The following GALNT17 variants were observed in gnomAD, a reference collection of about 807,000 sequenced individuals.
GALNT17 encodes UDP-GalNAc:polypeptide N-acetylgalactosaminyltransferase-like 3.
Under a neutral mutation model 63.7 loss-of-function variants are expected in GALNT17, and 29 were observed. That is an observed-to-expected ratio of 0.46 (90% CI 0.34 to 0.62). GALNT17 has a LOEUF of 0.62. Ranked by LOEUF, GALNT17 falls within the 20% of genes least tolerant of loss-of-function variation. GALNT17 has a pLI of 0.01. For missense variants in GALNT17, 603 were observed against 799.6 expected (o/e 0.75, Z 2.97); for synonymous variants, 305 against 318.3 (o/e 0.96, Z 0.45).
rs71089940 is a variant in GALNT17, at chr7:71,374,834, A to ATTT, written c.423-13380_423-13378dup. Among the ~76,000 whole-genome samples, 774 of 109,606 alleles carry ATTT rather than the reference A, an allele frequency of 7.1e-3. 12 individuals carry two copies. The highest frequency in any genetic ancestry group is 0.019 in the African/African-American group (520 of 27,858). 71.9% of individuals were successfully genotyped at this position (109,606 alleles called of 152,430 possible). Reference sequence around the variant, plus strand: ...TGCATTTGGCTTGTTCTTGAGGAGGATTTTTTTTTTTTTTTTTTTTTTTGA... The same window carrying ATTT: ...TGCATTTGGCTTGTTCTTGAGGAGGATTTTTTTTTTTTTTTTTTTTTTTTTTGA... On this transcript the variant is annotated intron_variant, in intron 2 of 10. Transcript: ENST00000333538.
intron 1 of GALNT17, among the ~76,000 whole-genome samples, chr7:71,222,529 C>T (rs987358848): frequency 1.3e-5 from 2 of 151,934 alleles, no homozygotes; most frequent in Admixed American, 1.3e-4. Context: ...TGATCTCAAG[C>T]AATTAACCCG....
At chr7:71,391,826 C>T (rs1019154184) in intron 3 of GALNT17, among the ~76,000 whole-genome samples, 5 of 152,072 alleles carry the variant, frequency 3.3e-5, no homozygotes, top group African/African-American at 7.2e-5. Flanking sequence ...ATTTGTCTCA[C>T]GGTTCTGCAG....
intron 1 of GALNT17, among the ~76,000 whole-genome samples, chr7:71,292,164 A>C (rs1790990416): frequency 1.3e-5 from 2 of 152,206 alleles, no homozygotes; most frequent in Admixed American, 1.3e-4. Flanking sequence ...GAGAGTAGTC[A>C]ACAGCTGAAT....
intron 5 of GALNT17, among the ~76,000 whole-genome samples, chr7:71,465,892 G>C (rs111940306): frequency 0.031 from 4,653 of 152,270 alleles, 99 homozygotes; most frequent in East Asian, 0.042. Context: ...GGCTAGCAAA[G>C]GTGGCCTTGT....
intron 1 of GALNT17, among the ~76,000 whole-genome samples, chr7:71,179,538 A>G (rs1345352032): frequency 3.9e-5 from 6 of 152,258 alleles, no homozygotes; most frequent in Middle Eastern, 3.4e-3. Flanking sequence ...AGCAGCTGAC[A>G]TCTCCACTCT....
chr7:71,711,899 TTTTC>T (rs1791799192), intron 10 of GALNT17, 115 bp from the exon 11 acceptor site: 1 of 1,154,910 alleles, frequency 8.7e-7, no homozygotes, highest in Non-Finnish European at 1.2e-6. Context: ...TCTCTTCTCT[TTTTC>T]TTTTTCTCTT....
At chr7:71,342,358 A>AGAGG (rs1792019881) in intron 2 of GALNT17, among the ~76,000 whole-genome samples, 1 of 152,174 alleles carries the variant, frequency 6.6e-6, no homozygotes, top group African/African-American at 2.4e-5. Context: ...CTCATCATCC[A>AGAGG]GAGGATGGCA....
intron 5 of GALNT17, among the ~76,000 whole-genome samples, chr7:71,507,466 C>T (rs1183094442): frequency 6.6e-6 from 1 of 152,084 alleles, no homozygotes; most frequent in Non-Finnish European, 1.5e-5. Context: ...CTGGAGAAAA[C>T]CTTGTCACAG....
chr7:71,193,928 C>G (rs1788999544), intron 1 of GALNT17, among the ~76,000 whole-genome samples: 1 of 152,190 alleles, frequency 6.6e-6, no homozygotes, highest in South Asian at 2.1e-4. Context: ...AAGAGCTATA[C>G]TGGTTTCTTG....
At chr7:71,601,079 A>G (rs1415261831) in intron 6 of GALNT17, among the ~76,000 whole-genome samples, 2 of 151,996 alleles carry the variant, frequency 1.3e-5, no homozygotes, top group African/African-American at 4.8e-5. Context: ...GCTCACTGCA[A>G]ATGCTGTTAA....
chr7:71,687,730 T>A (rs932329483), intron 9 of GALNT17, among the ~76,000 whole-genome samples: 1 of 152,130 alleles, frequency 6.6e-6, no homozygotes, highest in African/African-American at 2.4e-5. Context: ...TTTTTAAAAA[T>A]TTTTTTATTA....
chr7:71,541,098 G>T (rs962885296), intron 5 of GALNT17, among the ~76,000 whole-genome samples: 2 of 152,054 alleles, frequency 1.3e-5, no homozygotes, highest in Non-Finnish European at 2.9e-5. Flanking sequence ...ACAAAAATTA[G>T]CTGGGCGTGG....
chr7:71,649,783 AC>A (rs1476809399), intron 6 of GALNT17, among the ~76,000 whole-genome samples: 3 of 152,176 alleles, frequency 2.0e-5, no homozygotes, highest in African/African-American at 7.2e-5. Flanking sequence ...ATTAAAGTGC[AC>A]CTGTGTACCC....
chr7:71,540,189 A>G (rs539454460), intron 5 of GALNT17, among the ~76,000 whole-genome samples: 1 of 126,924 alleles, frequency 7.9e-6, no homozygotes, highest in Admixed American at 9.9e-5. Context: ...GCTCACTGCA[A>G]CCTCTGCCTC....
intron 5 of GALNT17, among the ~76,000 whole-genome samples, chr7:71,495,720 G>T (rs1437571920): frequency 6.6e-6 from 1 of 152,130 alleles, no homozygotes; most frequent in East Asian, 1.9e-4. Context: ...TGTAGAGGCT[G>T]ATCATTCCTC....
At chr7:71,364,926 CT>C (rs903426167) in intron 2 of GALNT17, among the ~76,000 whole-genome samples, 2 of 90,858 alleles carry the variant, frequency 2.2e-5, no homozygotes, top group Non-Finnish European at 4.3e-5. Flanking sequence ...CATTTTAATA[CT>C]TTTTTTTATT....
chr7:71,415,197 A>T (rs961712314), intron 3 of GALNT17, among the ~76,000 whole-genome samples: 1 of 152,118 alleles, frequency 6.6e-6, no homozygotes, highest in Non-Finnish European at 1.5e-5. Flanking sequence ...CTATAGAGTT[A>T]GATTCAGTTG....
rs536766248 is a variant in GALNT17, at chr7:71,491,799, C to T, written c.962+70694C>T. On this transcript the variant is annotated intron_variant, in intron 5 of 10. Transcript: ENST00000333538. ...TACCAGGTGGTGCTGATGCTGCTGG[C>T]CTGGGAGTCTCACTTTGAGATGCAC... Among the ~76,000 whole-genome samples the T allele has an allele frequency of 5.3e-5, 8 of 152,270 alleles. No homozygotes were observed. In the South Asian group the frequency reaches 1.7e-3, roughly 32 times the overall value.
chr7:71,510,524 A>G (rs1038572027), intron 5 of GALNT17, among the ~76,000 whole-genome samples: 7 of 152,132 alleles, frequency 4.6e-5, no homozygotes, highest in African/African-American at 1.7e-4. Flanking sequence ...CTCAGAGTGC[A>G]GACTCATAGG....
Sources: gnomAD v4.1 joint callset for allele counts (sites outside exome capture counted in the v4.1 genomes callset) on GRCh38, gnomAD v4.1.1 for gene constraint, MANE v1.5 for transcripts, NCBI Gene and HGNC (gene_info 2026-07-23, HGNC 2026-07-21) for gene names.